The following OGDH variants were observed in gnomAD, a reference collection of about 807,000 sequenced individuals.
OGDH encodes oxoglutarate dehydrogenase.
OGDH carries 38 observed loss-of-function variants against 116.6 expected under a neutral mutation model. The observed-to-expected ratio is 0.33, with a 90% CI of 0.25 to 0.43. OGDH has a LOEUF of 0.43. Among genes scored for constraint, OGDH ranks in the 20% least tolerant of loss-of-function variants. The pLI is 1.00. For missense variants in OGDH, 825 were observed against 1,357.2 expected (o/e 0.61, Z 6.16); for synonymous variants, 488 against 533.3 (o/e 0.92, Z 1.17).
chr7:44,616,862 TATATATATAC>T (rs1784821960), intron 1 of OGDH, among the ~76,000 whole-genome samples: 1 of 100,820 alleles, frequency 9.9e-6, no homozygotes, highest in African/African-American at 3.9e-5. Flanking sequence ...TATATACACA[TATATATATAC>T]GTATATATAT....
intron 2 of OGDH, among the ~76,000 whole-genome samples, chr7:44,633,934 C>T (rs1785554685): frequency 6.6e-6 from 1 of 152,222 alleles, no homozygotes. Flanking sequence ...AGAAAGGGGT[C>T]ACAGTATCTT....
chr7:44,655,943 T>A (rs997470734), intron 4 of OGDH, among the ~76,000 whole-genome samples: 1 of 152,216 alleles, frequency 6.6e-6, no homozygotes, highest in Non-Finnish European at 1.5e-5. Context: ...TTTCTTTTCC[T>A]CAATTTTCAT....
At chr7:44,670,837 C>T (rs752202482) in intron 5 of OGDH, among the ~76,000 whole-genome samples, 7 of 151,754 alleles carry the variant, frequency 4.6e-5, no homozygotes, top group Admixed American at 2.6e-4. Context: ...AGTGAAACCC[C>T]GTCTCTACTA....
chr7:44,673,260 A>AC (rs1787548792), intron 5 of OGDH, among the ~76,000 whole-genome samples: 1 of 152,148 alleles, frequency 6.6e-6, no homozygotes, highest in Admixed American at 6.6e-5. Flanking sequence ...TGAGGCTGCA[A>AC]CGGGCTCTGA....
intron 3 of OGDH, 51 bp from the exon 4 acceptor site, chr7:44,647,606 T>C (rs749394005): frequency 9.4e-6 from 15 of 1,589,596 alleles, no homozygotes; most frequent in African/African-American, 2.7e-5. Context: ...TCTTTTTTTT[T>C]CTTCTGTCCT....
At chr7:44,623,392 G>T (rs527769233) in intron 1 of OGDH, among the ~76,000 whole-genome samples, 2 of 138,642 alleles carry the variant, frequency 1.4e-5, no homozygotes, top group South Asian at 4.7e-4. Context: ...CTCTGCTCAA[G>T]GGTAAATTGA....
intron 4 of OGDH, among the ~76,000 whole-genome samples, chr7:44,663,335 A>G (rs939898960): frequency 1.3e-5 from 2 of 152,166 alleles, no homozygotes; most frequent in African/African-American, 4.8e-5. Context: ...CGTGTTCTTA[A>G]TTGCTCATTG....
intron 4 of OGDH, among the ~76,000 whole-genome samples, chr7:44,661,934 G>A (rs1203866318): frequency 1.3e-5 from 2 of 152,070 alleles, no homozygotes; most frequent in Non-Finnish European, 2.9e-5. Flanking sequence ...AGCATTTTTA[G>A]TAGTTGTTTT....
intron 3 of OGDH, 115 bp from the exon 4 acceptor site, chr7:44,647,542 T>G (rs1786239477): frequency 6.5e-7 from 1 of 1,548,194 alleles, no homozygotes; most frequent in Admixed American, 2.0e-5. Flanking sequence ...TGGGTGAGAA[T>G]TAAGCTGTAA....
In OGDH at chr7:44,682,672, A is replaced by G. The variant is rs1292187508; in HGVS notation, c.1335+824A>G. On this transcript the variant is annotated intron_variant, in intron 10 of 22. Transcript: ENST00000222673. ...GATCACACCACTAAGCCTGGGCGACAGAGCAGGAGTCTGTCTAAAAAAAAA... is the reference window on the plus strand; with the variant it reads ...GATCACACCACTAAGCCTGGGCGACGGAGCAGGAGTCTGTCTAAAAAAAAA... Among the ~76,000 whole-genome samples the G allele has an allele frequency of 5.3e-5, 8 of 152,144 alleles. No homozygotes were observed. In the South Asian group the frequency reaches 1.7e-3, roughly 32 times the overall value.
At position 44,707,989 on chromosome 7, in the gene OGDH, AC is replaced by A; in HGVS notation, c.3063del (p.Phe1022SerfsTer18). On this transcript the variant is annotated frameshift_variant, in exon 23 of 23. Coordinates refer to ENST00000222673, the MANE Select transcript of OGDH (RefSeq NM_002541.4). LOFTEE classifies it high-confidence loss of function. The surrounding 1 kb of genome is among the most constrained non-coding windows in gnomAD (Gnocchi z 5.2). ...DTAFDLDVFK[N>X]FS ...GCCTTCGACCTGGACGTCTTCAAGA[AC>A]TTCTCGTAGATGCTGCCTAGGGTTG... The A allele has an allele frequency of 6.2e-7, 1 of 1,613,172 alleles. No homozygotes were observed.
At chr7:44,653,112 G>A (rs1027219837) in intron 4 of OGDH, among the ~76,000 whole-genome samples, 5 of 150,890 alleles carry the variant, frequency 3.3e-5, no homozygotes, top group Non-Finnish European at 7.4e-5. Context: ...TTTGTTTTTT[G>A]AGACAGAGTC....
rs561058807 is a variant in OGDH at position 44,689,392 on chromosome 7, CTTTTTTTT to C, written c.1336-4414_1336-4407del. On this transcript the variant is annotated intron_variant, in intron 10 of 22. Coordinates refer to ENST00000222673, the MANE Select transcript of OGDH (RefSeq NM_002541.4). ...CACCACTCCCAGCTAATTTTTTTTT[CTTTTTTTT>C]TTTTTTTTTTTTTTTTTTGGTAGCA... 1.5e-3 allele frequency among the ~76,000 whole-genome samples: 104 copies of C among 71,266 alleles called. No homozygotes were observed. In the East Asian group the frequency reaches 0.025, roughly 17 times the overall value. 46.8% of individuals were successfully genotyped at this position (71,266 alleles called of 152,430 possible). A position where few individuals can be genotyped will look rare whatever the true frequency, so the allele number is the denominator to read the frequency against.
intron 2 of OGDH, among the ~76,000 whole-genome samples, chr7:44,629,745 A>G (rs1222002716): frequency 6.6e-6 from 1 of 151,244 alleles, no homozygotes; most frequent in Non-Finnish European, 1.5e-5. Flanking sequence ...ACGCCTGGCT[A>G]ATTTTTGTAT....
chr7:44,672,569 G>A (rs1787509253), intron 5 of OGDH, among the ~76,000 whole-genome samples: 1 of 151,916 alleles, frequency 6.6e-6, no homozygotes, highest in Non-Finnish European at 1.5e-5. Context: ...CAGGGCAGCT[G>A]TGCAGGTCGA....
chr7:44,686,807 C>A (rs1395308347), intron 10 of OGDH, among the ~76,000 whole-genome samples: 1 of 150,866 alleles, frequency 6.6e-6, no homozygotes, highest in African/African-American at 2.4e-5. Context: ...CCTGCTTCAG[C>A]CTCCTGAGTA....
At chr7:44,684,091 G>C (rs1436563549) in intron 10 of OGDH, among the ~76,000 whole-genome samples, 3 of 152,166 alleles carry the variant, frequency 2.0e-5, no homozygotes, top group African/African-American at 7.2e-5. Context: ...TTCAAGGTCA[G>C]GTAGGCAAAT....
At chr7:44,696,788 C>A in intron 14 of OGDH, 126 bp from the exon 15 acceptor site, 1 of 1,314,720 alleles carries the variant, frequency 7.6e-7, no homozygotes, top group South Asian at 1.5e-5. Context: ...ACAGCTTTTC[C>A]AGCAAGTCAG....
chr7:44,698,433 C>A (rs1188327650), intron 18 of OGDH, among the ~76,000 whole-genome samples, 170 bp downstream of exon 18: 1 of 152,098 alleles, frequency 6.6e-6, no homozygotes, highest in African/African-American at 2.4e-5. Flanking sequence ...CTTCTGGGCG[C>A]CCTGGGATGA....
Sources: allele counts gnomAD v4.1 joint callset (sites outside exome capture counted in the v4.1 genomes callset), GRCh38; gene constraint gnomAD v4.1.1; non-coding constraint Gnocchi (gnomAD v3.1); transcripts MANE v1.5; gene names NCBI Gene and HGNC (gene_info 2026-07-23, HGNC 2026-07-21).